JAM3: variants seen among roughly 807,000 people sequenced by gnomAD.
The protein encoded by JAM3 is junctional adhesion molecule C.
A neutral mutation model predicts 39.4 loss-of-function variants in JAM3; 31 were observed. That is an observed-to-expected ratio of 0.79 (90% CI 0.59 to 1.06). The LOEUF (loss-of-function observed/expected upper bound fraction) is 1.06, where lower values mean the gene tolerates loss of function less well. Ranked by LOEUF, JAM3 falls within the 50% of genes least tolerant of loss-of-function variation. The probability of loss-of-function intolerance (pLI) is 0.00; values close to 1 mark genes in which losing one functional copy is unlikely to be tolerated. For synonymous variants in JAM3, 182 were observed against 148.7 expected (o/e 1.22, Z -1.63); for missense variants, 455 against 391.4 (o/e 1.16, Z -1.37).
At chr11:134,140,213 G>T (rs1346435419) in intron 2 of JAM3, among the ~76,000 whole-genome samples, 1 of 152,122 alleles carries the variant, frequency 6.6e-6, no homozygotes, top group Non-Finnish European at 1.5e-5. Context: ...GAGTGTAGTG[G>T]CGCAATCTTG....
intron 1 of JAM3, among the ~76,000 whole-genome samples, chr11:134,078,754 AT>A (rs1452295838): frequency 9.2e-5 from 14 of 152,152 alleles, no homozygotes; most frequent in Admixed American, 6.5e-4. Flanking sequence ...ATACAAAATT[AT>A]GGGCCGAGCA....
intron 1 of JAM3, among the ~76,000 whole-genome samples, chr11:134,090,098 A>G (rs999658380): frequency 7.8e-4 from 119 of 152,296 alleles, no homozygotes; most frequent in African/African-American, 2.7e-3. Context: ...TTGGCTGCAT[A>G]AATGTCTTCT....
At position 134,111,241 on chromosome 11, in the gene JAM3, T is replaced by A. The variant is rs796686114; in HGVS notation, c.77-28610T>A. 6.7e-5 allele frequency among the ~76,000 whole-genome samples: 10 copies of A among 149,136 alleles called. No individual in the cohort carries two copies. The South Asian group carries it at 2.1e-3, about 32-fold the overall frequency. On this transcript the variant is annotated intron_variant, in intron 1 of 8. Transcript: ENST00000299106. ...TCACTGCAAGCTTCGCCTCCTGGGT[T>A]CACGCCATTCTCCTGCCTCAGCCTC...
At chr11:134,124,017 C>A in intron 1 of JAM3, 1 of 1,475,788 alleles carries the variant, frequency 6.8e-7, no homozygotes, top group Non-Finnish European at 9.5e-7. Context: ...CCTTCCCAAT[C>A]CCGCAACACA....
intron 1 of JAM3, among the ~76,000 whole-genome samples, chr11:134,074,311 A>G (rs1287763373): frequency 6.6e-6 from 1 of 152,154 alleles, no homozygotes; most frequent in Non-Finnish European, 1.5e-5. Context: ...TGATGAGGAT[A>G]TTTTTTGTGT....
chr11:134,090,635 C>G (rs537704144), intron 1 of JAM3, among the ~76,000 whole-genome samples: 3 of 152,288 alleles, frequency 2.0e-5, no homozygotes, highest in South Asian at 4.1e-4. Context: ...GGAGTGCTTT[C>G]AAGCTCTTTG....
chr11:134,105,780 C>G (rs1186808234), intron 1 of JAM3, among the ~76,000 whole-genome samples: 1 of 152,122 alleles, frequency 6.6e-6, no homozygotes, highest in Non-Finnish European at 1.5e-5. Flanking sequence ...ACCTAGGAAT[C>G]CAACTTACAA....
intron 1 of JAM3, among the ~76,000 whole-genome samples, chr11:134,092,043 C>A (rs988731897): frequency 3.9e-5 from 6 of 152,218 alleles, no homozygotes; most frequent in Middle Eastern, 3.4e-3. Flanking sequence ...GTATACTACT[C>A]TTTTCATCCC....
At chr11:134,098,726 G>A (rs117622121) in intron 1 of JAM3, among the ~76,000 whole-genome samples, 3,124 of 152,196 alleles carry the variant, frequency 0.021, 70 homozygotes, top group South Asian at 0.052. Flanking sequence ...GAGGTATACT[G>A]CACTTCCTAA....
chr11:134,099,676 G>A (rs186270832), intron 1 of JAM3, among the ~76,000 whole-genome samples: 52 of 152,212 alleles, frequency 3.4e-4, no homozygotes, highest in Admixed American at 2.9e-3. Flanking sequence ...GTGCGATCTT[G>A]GGTCACTGCA....
chr11:134,111,004 C>G (rs1942298393), intron 1 of JAM3, among the ~76,000 whole-genome samples: 2 of 152,052 alleles, frequency 1.3e-5, no homozygotes. Flanking sequence ...TATTCTCTCT[C>G]TCCCTCTGTG....
intron 1 of JAM3, among the ~76,000 whole-genome samples, chr11:134,101,710 T>C (rs577631480): frequency 6.6e-6 from 1 of 152,260 alleles, no homozygotes; most frequent in South Asian, 2.1e-4. Context: ...ATTTCTCCCC[T>C]TATTTATTCT....
intron 1 of JAM3, among the ~76,000 whole-genome samples, chr11:134,135,792 G>T (rs1465570426): frequency 1.3e-5 from 2 of 152,098 alleles, no homozygotes; most frequent in Non-Finnish European, 2.9e-5. Flanking sequence ...TGAATGGCCA[G>T]GCGCGGTGGC....
At chr11:134,134,121 A>G (rs545703992) in intron 1 of JAM3, among the ~76,000 whole-genome samples, 2 of 152,134 alleles carry the variant, frequency 1.3e-5, no homozygotes, top group African/African-American at 2.4e-5. Flanking sequence ...AGAAACGAAA[A>G]ATGTTTTTGA....
intron 1 of JAM3, among the ~76,000 whole-genome samples, chr11:134,137,135 A>T (rs1391165607): frequency 1.3e-5 from 2 of 150,210 alleles, no homozygotes; most frequent in East Asian, 3.9e-4. Flanking sequence ...AAAGAAGAAG[A>T]AGTATAAAGC....
intron 1 of JAM3, 38 bp downstream of exon 1, chr11:134,069,197 C>A: frequency 1.2e-6 from 2 of 1,604,674 alleles, no homozygotes; most frequent in South Asian, 1.1e-5. Flanking sequence ...AGACTAGGGT[C>A]TGGGGGCGAC....
At chr11:134,113,506 A>C (rs1031417404) in intron 1 of JAM3, among the ~76,000 whole-genome samples, 1 of 152,146 alleles carries the variant, frequency 6.6e-6, no homozygotes, top group Non-Finnish European at 1.5e-5. Flanking sequence ...TCCATATCCC[A>C]ACAAAGGACA....
At chr11:134,099,319 C>A (rs1370445232) in intron 1 of JAM3, among the ~76,000 whole-genome samples, 1 of 152,042 alleles carries the variant, frequency 6.6e-6, no homozygotes. Context: ...AAAGGCAGGC[C>A]CAGGAACAGA....
In JAM3 at chr11:134,149,377, G is replaced by C. The variant is rs573674849; in HGVS notation, c.*196G>C. 7 of 662,472 alleles carry C rather than the reference G, an allele frequency of 1.1e-5. No homozygotes were observed. Among genetic ancestry groups the C allele is most frequent in the Non-Finnish European group, 1.6e-5 (6 of 375,898 alleles). The allele number at this position is 662,472 out of a possible 1,614,324, so 41.0% of individuals were successfully genotyped here. A position where few individuals can be genotyped will look rare whatever the true frequency, so the allele number is the denominator to read the frequency against. On this transcript the variant is annotated 3_prime_UTR_variant, in exon 9 of 9. Transcript: ENST00000299106. ...GAATAGAAGAATTTTCCTCAAGATG[G>C]ACCCGGTAAATATAACCACAAGGAA... is the stretch of plus-strand genomic sequence containing the variant.
Sources: allele counts gnomAD v4.1 joint callset (sites outside exome capture counted in the v4.1 genomes callset), GRCh38; gene constraint gnomAD v4.1.1; transcripts MANE v1.5; gene names NCBI Gene and HGNC (gene_info 2026-07-23, HGNC 2026-07-21).